The following SNX29 variants were observed in gnomAD, a reference collection of about 807,000 sequenced individuals.
SNX29 encodes the protein sorting nexin 29, also known as sorting nexin-29.
SNX29 carries 78 observed loss-of-function variants against 102.1 expected under a neutral mutation model. The observed-to-expected ratio is 0.76, with a 90% CI of 0.64 to 0.92. The LOEUF is 0.92. Among genes scored for constraint, SNX29 ranks in the 40% least tolerant of loss-of-function variants. The pLI is 0.00. For synonymous variants in SNX29, 580 were observed against 414.5 expected (o/e 1.40, Z -4.85); for missense variants, 1,280 against 1,061.7 (o/e 1.21, Z -2.86).
At chr16:12,526,544 T>C in intron 20 of SNX29, 1 of 524,232 alleles carries the variant, frequency 1.9e-6, no homozygotes, top group Non-Finnish European at 3.7e-6. Flanking sequence ...TTATTTGTAA[T>C]GCCAGGGACT....
At chr16:12,346,951 C>A (rs893408191) in intron 15 of SNX29, among the ~76,000 whole-genome samples, 14 of 152,110 alleles carry the variant, frequency 9.2e-5, no homozygotes, top group African/African-American at 3.1e-4. Context: ...ACCTGGCAGC[C>A]CCGTGGCCAA....
chr16:12,560,168 C>G lies in SNX29; in HGVS notation c.2319-8338C>G, dbSNP rs1280470687. Among the ~76,000 whole-genome samples the G allele has an allele frequency of 3.5e-5, 5 of 140,992 alleles. 1 individual carries two copies. In the South Asian group the frequency reaches 9.3e-4, roughly 26 times the overall value. 92.5% of individuals were successfully genotyped at this position (140,992 alleles called of 152,430 possible). ...CCAACAAACAGTAAAGCCTTTCTCA[C>G]TTTTTTTTAATTCACCATTTAACTT... is the stretch of plus-strand genomic sequence containing the variant. On this transcript the variant is annotated intron_variant, in intron 20 of 20. Transcript: ENST00000566228.
At chr16:12,460,010 T>C (rs2086710262) in intron 18 of SNX29, among the ~76,000 whole-genome samples, 1 of 152,190 alleles carries the variant, frequency 6.6e-6, no homozygotes, top group Non-Finnish European at 1.5e-5. Context: ...AACAGAAGCA[T>C]GGCTCAGCTT....
At chr16:12,133,281 GTTTTT>G (rs57733463) in intron 13 of SNX29, among the ~76,000 whole-genome samples, 3 of 66,864 alleles carry the variant, frequency 4.5e-5, no homozygotes, top group Admixed American at 2.2e-4. Flanking sequence ...CTTAGTGTGG[GTTTTT>G]TTTTTTTTTT....
chr16:12,552,833 C>T (rs748894385), intron 20 of SNX29, among the ~76,000 whole-genome samples: 1 of 152,162 alleles, frequency 6.6e-6, no homozygotes, highest in South Asian at 2.1e-4. Flanking sequence ...GACACCTGAC[C>T]TGCCAGAGAG....
Position 12,048,550 on chromosome 16 carries a change from C to A in SNX29, c.678C>A (p.Ala226=), listed in dbSNP as rs1179338103. 3.1e-6 allele frequency: 5 copies of A among 1,613,800 alleles called. No individual in the cohort carries two copies. Among genetic ancestry groups the A allele is most frequent in the Non-Finnish European group, 3.4e-6 (4 of 1,179,868 alleles). ...TCAGGGAGATCACAGCCTCCTCTGC[C>A]GTCTCCATCCTCATCAAACCTGAAC... ...SLFREITASS[A]VSILIKPEQE... Residue 226 remains alanine (A), a synonymous_variant, in exon 7 of 21, where the codon GCC becomes GCA. Transcript: ENST00000566228.
At chr16:12,376,155 G>A (rs1452690569) in intron 16 of SNX29, 1 of 152,290 alleles carries the variant, frequency 6.6e-6, no homozygotes, top group Non-Finnish European at 1.5e-5. Flanking sequence ...CCCAGGAGGT[G>A]AGGACCAGGA....
intron 19 of SNX29, among the ~76,000 whole-genome samples, chr16:12,512,369 AATATATATATATATAT>A (rs58157322): frequency 0.083 from 3,630 of 43,768 alleles, 274 homozygotes; most frequent in African/African-American, 0.15. Flanking sequence ...GCCCAGGGAA[AATATATATATATATAT>A]ATATATATAT....
At chr16:12,200,521 C>T (rs192087119) in intron 14 of SNX29, among the ~76,000 whole-genome samples, 108 of 151,932 alleles carry the variant, frequency 7.1e-4, no homozygotes, top group African/African-American at 1.5e-3. Context: ...CTCACTCTAC[C>T]GCCCAGGATG....
intron 20 of SNX29, chr16:12,557,331 G>A (rs1366555600): frequency 6.6e-6 from 1 of 152,020 alleles, no homozygotes; most frequent in African/African-American, 2.4e-5. Context: ...TCAGAGAGAT[G>A]GGAAGAACCT....
chr16:12,224,723 T>C (rs1048008943), intron 14 of SNX29, among the ~76,000 whole-genome samples: 16 of 152,208 alleles, frequency 1.1e-4, no homozygotes, highest in Admixed American at 2.0e-4. Flanking sequence ...GGTTTGTTTT[T>C]TTGTTTGGAT....
At position 12,156,624 on chromosome 16, in the gene SNX29, C is replaced by G. The variant is rs192972163; in HGVS notation, c.1595+26866C>G. Among the ~76,000 whole-genome samples the G allele has an allele frequency of 3.0e-3, 463 of 152,350 alleles. 4 individuals are homozygous for G. The highest frequency in any genetic ancestry group is 0.01 in the African/African-American group (428 of 41,576). On this transcript the variant is annotated intron_variant, in intron 13 of 20. Coordinates refer to ENST00000566228, the MANE Select transcript of SNX29 (RefSeq NM_032167.5). ...GCAGGAAGGTTTCCCTGTTTGTCTT[C>G]AAAACTGATTTTGTAAGTGCTGAGA...
intron 19 of SNX29, among the ~76,000 whole-genome samples, chr16:12,507,940 C>G (rs2089450064): frequency 1.3e-5 from 2 of 152,178 alleles, no homozygotes; most frequent in South Asian, 4.1e-4. Context: ...TTGCAGACCT[C>G]TCCTGTGTAA....
chr16:12,564,230 G>GA (rs548209703), intron 20 of SNX29, among the ~76,000 whole-genome samples: 7 of 151,920 alleles, frequency 4.6e-5, no homozygotes, highest in Admixed American at 2.0e-4. Context: ...ATCTCTAAGA[G>GA]AAAAAAATCT....
intron 14 of SNX29, among the ~76,000 whole-genome samples, chr16:12,234,479 C>A (rs1018982711): frequency 1.3e-5 from 2 of 151,874 alleles, no homozygotes; most frequent in Middle Eastern, 3.2e-3. Context: ...ATCAGAGATA[C>A]GTGATTTGCA....
intron 9 of SNX29, among the ~76,000 whole-genome samples, chr16:12,066,133 T>A (rs971892623): frequency 1.3e-5 from 2 of 152,270 alleles, no homozygotes; most frequent in Non-Finnish European, 2.9e-5. Context: ...GTCCATGCCT[T>A]TGCCCCAGCT....
intron 11 of SNX29, among the ~76,000 whole-genome samples, chr16:12,082,948 C>T (rs2869807): frequency 0.088 from 13,379 of 151,906 alleles, 1,628 homozygotes; most frequent in African/African-American, 0.28. Context: ...TCTGGGTGTC[C>T]GGGGTATTTG....
intron 14 of SNX29, among the ~76,000 whole-genome samples, chr16:12,199,967 T>C (rs1392148839): frequency 1.3e-5 from 2 of 152,148 alleles, no homozygotes; most frequent in Non-Finnish European, 2.9e-5. Flanking sequence ...GACAGTTGCA[T>C]GGCAGTGAAC....
At chr16:12,124,780 C>T (rs2054133152) in intron 11 of SNX29, among the ~76,000 whole-genome samples, 1 of 152,178 alleles carries the variant, frequency 6.6e-6, no homozygotes, top group Non-Finnish European at 1.5e-5. Context: ...TTGAAATTGA[C>T]ATTCCCCTGT....
Sources: gnomAD v4.1 joint callset for allele counts (sites outside exome capture counted in the v4.1 genomes callset) on GRCh38, gnomAD v4.1.1 for gene constraint, MANE v1.5 for transcripts, NCBI Gene and HGNC (gene_info 2026-07-23, HGNC 2026-07-21) for gene names.